The following GREB1 variants were observed in gnomAD, a reference collection of about 807,000 sequenced individuals.
GREB1 encodes growth regulating estrogen receptor binding 1.
Under a neutral mutation model 200.7 loss-of-function variants are expected in GREB1, and 106 were observed. The observed-to-expected ratio is 0.53, with a 90% CI of 0.45 to 0.62. GREB1 has a LOEUF of 0.62. Among genes scored for constraint, GREB1 ranks in the 20% least tolerant of loss-of-function variants. The pLI, the probability that GREB1 is intolerant of heterozygous loss-of-function variation, is 0.00. For missense variants in GREB1, 2,243 were observed against 2,556.8 expected (o/e 0.88, Z 2.65); for synonymous variants, 1,132 against 1,092.4 (o/e 1.04, Z -0.72).
chr2:11,555,268 C>A (rs1275199494), intron 1 of GREB1, among the ~76,000 whole-genome samples: 1 of 152,116 alleles, frequency 6.6e-6, no homozygotes, highest in Non-Finnish European at 1.5e-5. Context: ...CATTTAAATG[C>A]CTGTTCTTGG....
intron 1 of GREB1, among the ~76,000 whole-genome samples, chr2:11,509,834 C>T (rs1485573400): frequency 6.6e-6 from 1 of 152,224 alleles, no homozygotes; most frequent in Non-Finnish European, 1.5e-5. Flanking sequence ...CCTTGAACTT[C>T]CCAGCCTCCA....
intron 9 of GREB1, chr2:11,587,815 G>T: frequency 9.4e-7 from 1 of 1,068,192 alleles, no homozygotes; most frequent in Non-Finnish European, 1.1e-6. Context: ...TACAAATGCG[G>T]AGACTGAGGT....
chr2:11,539,894 C>T (rs930058829), intron 1 of GREB1: 1 of 151,750 alleles, frequency 6.6e-6, no homozygotes, highest in Non-Finnish European at 1.5e-5. Flanking sequence ...CTCTCCCTGC[C>T]GGGCAGGGGC....
At chr2:11,576,192 A>T (rs1678834888) in intron 4 of GREB1, among the ~76,000 whole-genome samples, 161 bp from the exon 5 acceptor site, 1 of 152,202 alleles carries the variant, frequency 6.6e-6, no homozygotes. Flanking sequence ...CTGTAATCCC[A>T]GCTATTCAGG....
chr2:11,594,684 G>GTTT lies in GREB1; in HGVS notation c.1697-563_1697-561dup, dbSNP rs1333448226. Among the ~76,000 whole-genome samples the GTTT allele has an allele frequency of 2.2e-4, 20 of 89,424 alleles. 1 individual carries two copies. The highest frequency in any genetic ancestry group is 7.3e-4 in the African/African-American group (8 of 10,922). The allele number at this position is 89,424 out of a possible 152,430, so 58.7% of individuals were successfully genotyped here. ...TTCTTTAATCTTAAACCCATTCTGT[G>GTTT]TTTTTTGTTGTTGTTTGTTTGTTTT... On this transcript the variant is annotated intron_variant, in intron 11 of 32. Coordinates refer to ENST00000381486, the MANE Select transcript of GREB1 (RefSeq NM_014668.4).
intron 1 of GREB1, among the ~76,000 whole-genome samples, chr2:11,495,796 G>T (rs865796314): frequency 0.033 from 4,580 of 136,810 alleles, 259 homozygotes; most frequent in African/African-American, 0.11. Flanking sequence ...AAGTCCCCCC[G>T]TTTTTTTTTT....
chr2:11,563,006 T>C (rs1677238671), intron 3 of GREB1: 1 of 152,768 alleles, frequency 6.5e-6, no homozygotes, highest in Non-Finnish European at 1.5e-5. Context: ...GGAATCTCAC[T>C]CTGTTGCCCA....
intron 22 of GREB1, among the ~76,000 whole-genome samples, chr2:11,619,447 CT>C (rs1310566925): frequency 6.6e-6 from 1 of 152,138 alleles, no homozygotes; most frequent in Admixed American, 6.6e-5. Context: ...CAGAGCTGGG[CT>C]TTGGGGCTGG....
At chr2:11,587,642 A>G in intron 9 of GREB1, 1 of 1,397,404 alleles carries the variant, frequency 7.2e-7, no homozygotes, top group Non-Finnish European at 9.3e-7. Context: ...CACACAGCCG[A>G]AGTCAGAAAA....
chr2:11,632,311 G>A (rs907325961), intron 27 of GREB1, among the ~76,000 whole-genome samples, 198 bp downstream of exon 27: 16 of 147,774 alleles, frequency 1.1e-4, no homozygotes, highest in East Asian at 2.0e-4. Flanking sequence ...CCATTTAATC[G>A]ATATTTTCTT....
chr2:11,595,795 A>G (rs760275252), intron 12 of GREB1, among the ~76,000 whole-genome samples: 6 of 151,944 alleles, frequency 3.9e-5, no homozygotes, highest in Non-Finnish European at 8.8e-5. Flanking sequence ...CCACCCCTCA[A>G]GACTCATCTC....
chr2:11,531,799 G>T (rs1375093699), upstream of GREB1, among the ~76,000 whole-genome samples: 1 of 152,158 alleles, frequency 6.6e-6, no homozygotes, highest in Non-Finnish European at 1.5e-5. Flanking sequence ...TTGATCTCCT[G>T]ACCTGAAGTG....
chr2:11,618,956 T>C (rs1440494870), intron 22 of GREB1, 37 bp downstream of exon 22: 34 of 1,445,740 alleles, frequency 2.4e-5, no homozygotes, highest in Non-Finnish European at 2.9e-5. Context: ...AGCCCCGGAC[T>C]GGGGGGGTCC....
chr2:11,634,953 G>A (rs938050394), intron 29 of GREB1, among the ~76,000 whole-genome samples: 8 of 152,230 alleles, frequency 5.3e-5, no homozygotes, highest in African/African-American at 9.6e-5. Flanking sequence ...TCACCGATGC[G>A]TGAGGTCGTG....
At chr2:11,637,151 G>T (rs1424916597) in intron 30 of GREB1, among the ~76,000 whole-genome samples, 1 of 152,030 alleles carries the variant, frequency 6.6e-6, no homozygotes, top group Admixed American at 6.5e-5. Context: ...CGAGGAGGTC[G>T]GTATGGAGGA....
chr2:11,598,503 A>G (rs918819606), intron 14 of GREB1, among the ~76,000 whole-genome samples, 177 bp from the exon 15 acceptor site: 4 of 152,232 alleles, frequency 2.6e-5, no homozygotes, highest in Admixed American at 1.3e-4. Flanking sequence ...GCTCCTGTGC[A>G]GGACAGTTAT....
intron 5 of GREB1, among the ~76,000 whole-genome samples, chr2:11,577,106 G>C (rs1198342989): frequency 1.3e-5 from 2 of 152,024 alleles, no homozygotes; most frequent in Non-Finnish European, 2.9e-5. Context: ...TACCTCCTAT[G>C]GCAAGTATTT....
intron 1 of GREB1, among the ~76,000 whole-genome samples, chr2:11,549,363 G>A (rs1317057234): frequency 6.6e-6 from 1 of 151,964 alleles, no homozygotes; most frequent in East Asian, 1.9e-4. Context: ...CCTCGGTAAC[G>A]TCTCAGTTGT....
chr2:11,556,016 C>T (rs907498948), intron 1 of GREB1, among the ~76,000 whole-genome samples: 1 of 152,096 alleles, frequency 6.6e-6, no homozygotes, highest in Admixed American at 6.5e-5. Flanking sequence ...CCAGGTTTTC[C>T]AGATATAATT....
Sources: gnomAD v4.1 joint callset for allele counts (sites outside exome capture counted in the v4.1 genomes callset) on GRCh38, gnomAD v4.1.1 for gene constraint, MANE v1.5 for transcripts, NCBI Gene and HGNC (gene_info 2026-07-23, HGNC 2026-07-21) for gene names.